Variants in NOX3 observed in about 807,000 individuals in gnomAD.
NOX3 encodes NADPH oxidase 3, also known as NADPH oxidase catalytic subunit-like 3.
A neutral mutation model predicts 76.7 loss-of-function variants in NOX3; 74 were observed. The ratio of observed to expected loss-of-function variants is 0.96; its 90% CI spans 0.80 to 1.17. The LOEUF is 1.17. NOX3 is among the 50% of genes most tolerant of loss of function. NOX3 has a pLI of 0.00. For missense variants in NOX3, 695 were observed against 703.3 expected (o/e 0.99, Z 0.13); for synonymous variants, 263 against 261.1 (o/e 1.01, Z -0.07).
chr6:155,437,666 G>T (rs1337887202), intron 6 of NOX3, among the ~76,000 whole-genome samples: 1 of 152,230 alleles, frequency 6.6e-6, no homozygotes, highest in Admixed American at 6.5e-5. Flanking sequence ...TCAGAGGAAA[G>T]ATTCCAGATA....
intron 10 of NOX3, among the ~76,000 whole-genome samples, chr6:155,416,481 T>TACCTA (rs528168248): frequency 0.01 from 1,588 of 152,336 alleles, 29 homozygotes; most frequent in Non-Finnish European, 0.012. Context: ...ATGATAAGCC[T>TACCTA]ACCTAATGTG....
At chr6:155,429,461 A>C (rs1187733917) in intron 8 of NOX3, among the ~76,000 whole-genome samples, 1 of 152,216 alleles carries the variant, frequency 6.6e-6, no homozygotes, top group Non-Finnish European at 1.5e-5. Flanking sequence ...ACCTTTTTCA[A>C]TGATCTGCAT....
intron 12 of NOX3, among the ~76,000 whole-genome samples, chr6:155,400,926 C>A (rs1456664737): frequency 1.3e-5 from 2 of 152,074 alleles, no homozygotes; most frequent in Non-Finnish European, 2.9e-5. Flanking sequence ...GATAAAGTTG[C>A]TTATAGCTAT....
chr6:155,446,791 C>G (rs1259950427), intron 4 of NOX3, among the ~76,000 whole-genome samples: 1 of 152,070 alleles, frequency 6.6e-6, no homozygotes, highest in Non-Finnish European at 1.5e-5. Context: ...GGTGTAAATG[C>G]TCCTTTTATA....
At chr6:155,447,328 C>T (rs1415446594) in intron 4 of NOX3, among the ~76,000 whole-genome samples, 2 of 152,144 alleles carry the variant, frequency 1.3e-5, no homozygotes, top group East Asian at 1.9e-4. Flanking sequence ...TGAGCCACCA[C>T]GCCTGGCTTT....
chr6:155,429,136 A>T, intron 8 of NOX3, 89 bp from the exon 9 acceptor site: 1 of 1,313,482 alleles, frequency 7.6e-7, no homozygotes, highest in African/African-American at 1.5e-5. Context: ...AAAATTTTAG[A>T]TCAGCTTGTT....
chr6:155,426,668 G>A (rs1204446829), intron 9 of NOX3, among the ~76,000 whole-genome samples: 2 of 152,152 alleles, frequency 1.3e-5, no homozygotes, highest in African/African-American at 4.8e-5. Flanking sequence ...CAACAAGAAA[G>A]CTGGAAGAGC....
intron 10 of NOX3, among the ~76,000 whole-genome samples, chr6:155,417,368 G>A (rs1173285226): frequency 1.3e-5 from 2 of 152,182 alleles, no homozygotes; most frequent in African/African-American, 2.4e-5. Flanking sequence ...TGGGGAGGGA[G>A]GTGAAGGGAG....
intron 9 of NOX3, among the ~76,000 whole-genome samples, chr6:155,427,078 A>G (rs2281253): frequency 7.1e-6 from 1 of 141,646 alleles, no homozygotes; most frequent in Non-Finnish European, 1.5e-5. Flanking sequence ...ATCTACTTTT[A>G]TTTTTGATTT....
At chr6:155,416,799 G>A (rs1582932488) in intron 10 of NOX3, among the ~76,000 whole-genome samples, 2 of 131,990 alleles carry the variant, frequency 1.5e-5, no homozygotes, top group East Asian at 4.6e-4. Flanking sequence ...CCTCCAGGCT[G>A]GAGTGCAGTG....
intron 4 of NOX3, among the ~76,000 whole-genome samples, chr6:155,448,574 A>T (rs1397934541): frequency 1.3e-5 from 2 of 150,734 alleles, no homozygotes; most frequent in African/African-American, 2.4e-5. Flanking sequence ...GAAACACTAC[A>T]CATGCGCATT....
chr6:155,429,114 T>C (rs1381220881), intron 8 of NOX3, 67 bp from the exon 9 acceptor site: 28 of 1,411,630 alleles, frequency 2.0e-5, no homozygotes, highest in Non-Finnish European at 2.4e-5. Context: ...TTTCATTCCA[T>C]CAAAGGTGTT....
chr6:155,402,068 T>C (rs781545507), intron 12 of NOX3, among the ~76,000 whole-genome samples: 1 of 152,232 alleles, frequency 6.6e-6, no homozygotes, highest in Non-Finnish European at 1.5e-5. Flanking sequence ...ATTTTTATTT[T>C]CATTCTGTCT....
chr6:155,414,510 A>C (rs12209093), intron 10 of NOX3, among the ~76,000 whole-genome samples: 7,363 of 152,238 alleles, frequency 0.048, 255 homozygotes, highest in Non-Finnish European at 0.076. Flanking sequence ...AAAAGATTTT[A>C]TTAAATAGAA....
intron 4 of NOX3, among the ~76,000 whole-genome samples, chr6:155,445,957 C>CTATA (rs200968638): frequency 3.2e-5 from 4 of 126,118 alleles, no homozygotes; most frequent in African/African-American, 1.2e-4. Flanking sequence ...TATATATATG[C>CTATA]TATATATATA....
intron 4 of NOX3, among the ~76,000 whole-genome samples, chr6:155,445,240 A>C (rs533523112): frequency 3.9e-5 from 6 of 152,160 alleles, no homozygotes; most frequent in Non-Finnish European, 7.4e-5. Flanking sequence ...GGTATAGATA[A>C]TTTCCCAGTT....
At position 155,429,067 on chromosome 6, in the gene NOX3, T is replaced by C; in HGVS notation, c.892-20A>G. The C allele has an allele frequency of 6.6e-7, 1 of 1,514,514 alleles. No homozygotes were observed. The highest frequency in any genetic ancestry group is 8.9e-7 in the Non-Finnish European group (1 of 1,124,458). 93.8% of individuals were successfully genotyped at this position (1,514,514 alleles called of 1,614,324 possible). ...TACCACCTATGTGAGAGTGAGAGAG[T>C]TGTTTGCCTTTGTCCTCGAAATAAT... On this transcript the variant is annotated intron_variant, in intron 8 of 13. Transcript: ENST00000159060.
Position 155,407,146 on chromosome 6 carries a change from C to T in NOX3, c.1564G>A (p.Ala522Thr). 1 of 1,614,032 alleles carries T rather than the reference C, an allele frequency of 6.2e-7. No homozygotes were observed. Among genetic ancestry groups the T allele is most frequent in the Non-Finnish European group, 8.5e-7 (1 of 1,179,954 alleles). The change falls in exon 12 of 14, where the codon GCC becomes ACC. Residue 522 changes from alanine to threonine, a missense_variant. Transcript: ENST00000159060. ...TTGCCTTACCTGGGGTGATTGTAGG[C>T]AATCTGCTTGAACTCATTGTTCCAG... Reference protein sequence around the residue: ...PNWNNEFKQIAYNHPSSSIGV... With the variant: ...PNWNNEFKQITYNHPSSSIGV...
intron 10 of NOX3, among the ~76,000 whole-genome samples, chr6:155,413,172 G>C (rs1776575969): frequency 6.6e-6 from 1 of 152,170 alleles, no homozygotes; most frequent in Non-Finnish European, 1.5e-5. Flanking sequence ...CTCTTCATGA[G>C]AAGGGGACAT....
Sources: gnomAD v4.1 joint callset for allele counts (sites outside exome capture counted in the v4.1 genomes callset) on GRCh38, gnomAD v4.1.1 for gene constraint, MANE v1.5 for transcripts, NCBI Gene and HGNC (gene_info 2026-07-23, HGNC 2026-07-21) for gene names.